ZNF510: variants seen among roughly 807,000 people sequenced by gnomAD.
ZNF510 encodes the protein zinc finger protein 510.
Under a neutral mutation model 18.1 loss-of-function variants are expected in ZNF510, and 15 were observed. The ratio of observed to expected loss-of-function variants is 0.83; its 90% CI spans 0.55 to 1.28. The LOEUF (loss-of-function observed/expected upper bound fraction) is 1.28, where lower values mean the gene tolerates loss of function less well. Among genes scored for constraint, ZNF510 ranks in the 50% most tolerant of loss-of-function variants. The pLI is 0.00. For synonymous variants in ZNF510, 261 were observed against 266.4 expected (o/e 0.98, Z 0.20); for missense variants, 724 against 791.8 (o/e 0.91, Z 1.03).
At chr9:96,770,947 A>G (rs142985468) in intron 3 of ZNF510, among the ~76,000 whole-genome samples, 1,569 of 152,336 alleles carry the variant, frequency 0.01, 29 homozygotes, top group African/African-American at 0.035. Flanking sequence ...TAGAATAAGT[A>G]GCACGATTTG....
Position 96,760,481 on chromosome 9 carries a change from A to G in ZNF510, c.353-4T>C. ...AGGTCATCACCTCTGTAATCTTCTA[A>G]AACAGAAATATTGAAAACATCTTAT... On this transcript the variant is annotated splice_polypyrimidine_tract_variant and splice_region_variant and intron_variant, in intron 5 of 5. Coordinates refer to ENST00000223428, the MANE Select transcript of ZNF510 (RefSeq NM_014930.3). The G allele has an allele frequency of 6.3e-7, 1 of 1,579,258 alleles. No individual in the cohort carries two copies. Among genetic ancestry groups the G allele is most frequent in the Non-Finnish European group, 8.6e-7 (1 of 1,164,130 alleles).
rs761839707 is a variant in ZNF510 at position 96,759,572 on chromosome 9, T to A, written c.1258A>T (p.Ile420Phe). ...GKSFCQKGHL[I>F]QHQRTHTGEK... ...CCTGTGTGAGTTCTCTGATGTTGAA[T>A]GAGATGTCCTTTCTGACAGAAGGAT... Residue 420 changes from isoleucine to phenylalanine, a missense_variant, in exon 6 of 6, where the codon ATT becomes TTT. Ile to Phe is a conservative substitution (Grantham distance 21, BLOSUM62 0). Coordinates refer to ENST00000223428, the MANE Select transcript of ZNF510 (RefSeq NM_014930.3). 5.6e-6 allele frequency: 9 copies of A among 1,613,432 alleles called. No individual in the cohort carries two copies. Among genetic ancestry groups the A allele is most frequent in the Non-Finnish European group, 7.6e-6 (9 of 1,179,382 alleles).
chr9:96,766,745 C>T (rs567598091), intron 3 of ZNF510, among the ~76,000 whole-genome samples: 26 of 152,100 alleles, frequency 1.7e-4, no homozygotes, highest in African/African-American at 5.5e-4. Context: ...ATAAAAGCAA[C>T]GCTAACATCC....
intron 5 of ZNF510, among the ~76,000 whole-genome samples, chr9:96,762,580 CCAAT>C (rs1186408432): frequency 6.6e-6 from 1 of 152,016 alleles, no homozygotes; most frequent in Admixed American, 6.6e-5. Context: ...GTTTATATTT[CCAAT>C]CAATCAGTGG....
rs1218316182 is a variant in ZNF510, at chr9:96,775,414, AATGT to A, written c.71-572_71-569del. 2.6e-5 allele frequency among the ~76,000 whole-genome samples: 4 copies of A among 152,292 alleles called. No individual in the cohort carries two copies. The East Asian group carries it at 5.8e-4, about 22-fold the overall frequency. On this transcript the variant is annotated intron_variant, in intron 2 of 5. Transcript: ENST00000223428. ...ACTATTTTCCTATTGATTTATTTAAAATGTATGTCTTCTTTGACTAACAACTTAA... is the reference window on the plus strand; with the variant it reads ...ACTATTTTCCTATTGATTTATTTAAAATGTCTTCTTTGACTAACAACTTAA...
At chr9:96,762,443 A>C (rs1849371468) in intron 5 of ZNF510, among the ~76,000 whole-genome samples, 1 of 150,556 alleles carries the variant, frequency 6.6e-6, no homozygotes, top group Admixed American at 6.6e-5. Flanking sequence ...TGGGAGGTGG[A>C]GCTTGCAGTG....
At chr9:96,763,752 C>G in intron 3 of ZNF510, 120 bp from the exon 4 acceptor site, 1 of 992,724 alleles carries the variant, frequency 1.0e-6, no homozygotes, top group Non-Finnish European at 1.4e-6. Context: ...GTAAAGGATG[C>G]CTATTTTGAA....
intron 3 of ZNF510, among the ~76,000 whole-genome samples, chr9:96,772,547 C>A (rs1388584518): frequency 6.6e-6 from 1 of 151,598 alleles, no homozygotes; most frequent in African/African-American, 2.4e-5. Context: ...AGCAAATAAC[C>A]CAATTAAAAC....
intron 5 of ZNF510, among the ~76,000 whole-genome samples, chr9:96,762,643 T>A (rs2117959763): frequency 6.6e-6 from 1 of 152,334 alleles, no homozygotes; most frequent in African/African-American, 2.4e-5. Context: ...GGCATTGCCA[T>A]ATTTGTAAAC....
At position 96,774,830 on chromosome 9, in the gene ZNF510, G is replaced by A. The variant is rs1250277111; in HGVS notation, c.87C>T (p.Phe29=). ...TCTGCTGCTCCTGAAAGAGTGTGGA[G>A]AACCGTAAAGGATAACCTGGGGGTG... The part of the protein sequence containing the change: ...QLAEGGYPLR[F]STLFQEQQKM... The change falls in exon 3 of 6, where the codon TTC becomes TTT. Residue 29 remains phenylalanine, a synonymous_variant. Coordinates refer to ENST00000223428, the MANE Select transcript of ZNF510 (RefSeq NM_014930.3). 3 of 1,613,744 alleles carry A rather than the reference G, an allele frequency of 1.9e-6. No individual in the cohort carries two copies. Among genetic ancestry groups the A allele is most frequent in the South Asian group, 2.2e-5 (2 of 91,066 alleles).
Position 96,758,737 on chromosome 9 carries a change from T to TG in ZNF510, c.*40dup, listed in dbSNP as rs1450768106. On this transcript the variant is annotated 3_prime_UTR_variant, in exon 6 of 6. Transcript: ENST00000223428. The stretch of plus-strand genomic sequence containing the variant: ...TTTTTTGTGTATCTCTGATATCAAA[T>TG]GGGGTATTCCTTTTGTCAAAAGGAT... The TG allele has an allele frequency of 4.0e-6, 6 of 1,513,886 alleles. No homozygotes were observed. In the South Asian group the frequency reaches 8.3e-5, roughly 21 times the overall value. The allele number at this position is 1,513,886 out of a possible 1,614,324, so 93.8% of individuals were successfully genotyped here.
At position 96,772,641 on chromosome 9, in the gene ZNF510, G is replaced by C. The variant is rs1849606186; in HGVS notation, c.129+2147C>G. 2.0e-5 allele frequency among the ~76,000 whole-genome samples: 3 copies of C among 152,114 alleles called. No individual in the cohort carries two copies. In the South Asian group the frequency reaches 6.2e-4, roughly 31 times the overall value. On this transcript the variant is annotated intron_variant, in intron 3 of 5. Transcript: ENST00000223428. ...ACACAAACAATGGTGCCCAACATTA[G>C]TATTTACCATAGAAAAGCAAATTAT...
chr9:96,759,416 T>G lies in ZNF510; in HGVS notation c.1414A>C (p.Lys472Gln). 6.2e-7 allele frequency: 1 copy of G among 1,614,176 alleles called. No homozygotes were observed. The highest frequency in any genetic ancestry group is 8.5e-7 in the Non-Finnish European group (1 of 1,180,014). ...CTTTGATGTCCCCTGAGGGTTGACTTCTGGACAAATGTTTTTCCACATTCA... is the reference window on the plus strand; with the variant it reads ...CTTTGATGTCCCCTGAGGGTTGACTGCTGGACAAATGTTTTTCCACATTCA... ...CNECGKTFVQ[K>Q]STLRGHQRIH... Residue 472 changes from lysine (K) to glutamine (Q), a missense_variant, in exon 6 of 6, where the codon AAG becomes CAG. Physicochemically the swap from Lys to Gln is moderately conservative, Grantham distance 53. Coordinates refer to ENST00000223428, the MANE Select transcript of ZNF510 (RefSeq NM_014930.3).
rs1384703369 is a variant in ZNF510 at position 96,758,118 on chromosome 9, A to G, written c.*660T>C. 1.3e-5 allele frequency: 2 copies of G among 152,240 alleles called. No individual in the cohort carries two copies. The highest frequency in any genetic ancestry group is 2.4e-5 in the African/African-American group (1 of 41,454). 9.4% of individuals were successfully genotyped at this position (152,240 alleles called of 1,614,324 possible). ...GAAATTGCGTAAAGTGAAAATACAG[A>G]TAAGGGGGGACTACTGTATAAGCTT... is the stretch of plus-strand genomic sequence containing the variant. On this transcript the variant is annotated 3_prime_UTR_variant, in exon 6 of 6. Coordinates refer to ENST00000223428, the MANE Select transcript of ZNF510 (RefSeq NM_014930.3).
In ZNF510 at chr9:96,759,480, A is replaced by G; in HGVS notation, c.1350T>C (p.His450=). The G allele has an allele frequency of 6.2e-7, 1 of 1,614,088 alleles. No individual in the cohort carries two copies. Among genetic ancestry groups the G allele is most frequent in the East Asian group, 2.2e-5 (1 of 44,864 alleles). Residue 450 remains histidine, a synonymous_variant, in exon 6 of 6, where the codon CAT becomes CAC. Transcript: ENST00000223428. ...TFSQKSHLST[H]QRIHTAEKPY... ...GTTTTTCTGCTGTATGAATTCTCTG[A>G]TGAGTACTGAGGTGTGACTTCTGGG...
In ZNF510 at chr9:96,756,110, T is replaced by G. The variant is rs1036942399; in HGVS notation, c.*2668A>C. On this transcript the variant is annotated 3_prime_UTR_variant, in exon 6 of 6. Coordinates refer to ENST00000223428, the MANE Select transcript of ZNF510 (RefSeq NM_014930.3). Reference sequence around the variant, plus strand: ...AACCCAGATGGTTGTACTAAGCAGCTGTGACTTTTACCCCCACTGTACAAA... The same window carrying G: ...AACCCAGATGGTTGTACTAAGCAGCGGTGACTTTTACCCCCACTGTACAAA... 4 of 151,714 alleles carry G rather than the reference T, an allele frequency of 2.6e-5. No individual in the cohort carries two copies. The highest frequency in any genetic ancestry group is 9.8e-5 in the African/African-American group (4 of 40,952). 9.4% of individuals were successfully genotyped at this position (151,714 alleles called of 1,614,324 possible).
In ZNF510 at chr9:96,759,381, T is replaced by A. The variant is rs1219990704; in HGVS notation, c.1449A>T (p.Thr483=). 2.5e-6 allele frequency: 4 copies of A among 1,614,170 alleles called. No homozygotes were observed. The highest frequency in any genetic ancestry group is 2.5e-6 in the Non-Finnish European group (3 of 1,180,000). Residue 483 remains threonine (T), a synonymous_variant, in exon 6 of 6, where the codon ACA becomes ACT. Coordinates refer to ENST00000223428, the MANE Select transcript of ZNF510 (RefSeq NM_014930.3). ...STLRGHQRIH[T]GEKPYECSEC... ...CACTACATTCATAGGGTTTTTCTCCTGTGTGAATTCTTTGATGTCCCCTGA... is the reference window on the plus strand; with the variant it reads ...CACTACATTCATAGGGTTTTTCTCCAGTGTGAATTCTTTGATGTCCCCTGA...
chr9:96,759,156 A>G lies in ZNF510; in HGVS notation c.1674T>C (p.His558=). 1 of 1,613,756 alleles carries G rather than the reference A, an allele frequency of 6.2e-7. No homozygotes were observed. Among genetic ancestry groups the G allele is most frequent in the Non-Finnish European group, 8.5e-7 (1 of 1,179,956 alleles). The change falls in exon 6 of 6, where the codon CAT becomes CAC. Residue 558 remains histidine (H), a synonymous_variant. Transcript: ENST00000223428. ...TGTGAGTTTTCTGATGTTGAATGAG[A>G]TGATCTTTTCGCCAGAAGGATTTTT... ...ECEKSFWRKD[H]LIQHQKTHTG... is the part of the protein sequence containing the mutation.
chr9:96,767,253 G>A (rs28536114), intron 3 of ZNF510, among the ~76,000 whole-genome samples: 7,462 of 152,098 alleles, frequency 0.049, 590 homozygotes, highest in African/African-American at 0.17. Flanking sequence ...GCTTGAACCC[G>A]GGAGGTGGAG....
Sources: gnomAD v4.1 joint callset for allele counts (sites outside exome capture counted in the v4.1 genomes callset) on GRCh38, gnomAD v4.1.1 for gene constraint, MANE v1.5 for transcripts, NCBI Gene and HGNC (gene_info 2026-07-23, HGNC 2026-07-21) for gene names.